FAM50B: variants seen among roughly 807,000 people sequenced by gnomAD.
FAM50B encodes family with sequence similarity 50 member B.
A neutral mutation model predicts 25.4 loss-of-function variants in FAM50B; 9 were observed. That is an observed-to-expected ratio of 0.35 (90% CI 0.21 to 0.62). FAM50B has a LOEUF of 0.62. Among genes scored for constraint, FAM50B ranks in the 20% least tolerant of loss-of-function variants. The pLI is 0.73. For missense variants in FAM50B, 372 were observed against 477.9 expected, an observed-to-expected ratio of 0.78 and a Z score of 2.07; for synonymous variants, 212 against 204.3, an observed-to-expected ratio of 1.04 and a Z score of -0.32.
chr6:3,835,675 G>A, the FAM50B span, among the ~76,000 whole-genome samples: 1 of 152,182 alleles, frequency 6.6e-6, no homozygotes. Flanking sequence ...AGTTCTCTTG[G>A]TTGAATCCTA....
chr6:3,841,503 TAG>T, the FAM50B span, among the ~76,000 whole-genome samples: 1 of 152,118 alleles, frequency 6.6e-6, no homozygotes, highest in Non-Finnish European at 1.5e-5. Flanking sequence ...CAAATGTACA[TAG>T]AGTCAAACAG....
upstream of FAM50B, among the ~76,000 whole-genome samples, chr6:3,845,763 G>T (rs1039515866): frequency 6.6e-6 from 1 of 152,172 alleles, no homozygotes; most frequent in Non-Finnish European, 1.5e-5. Flanking sequence ...TCACCAGGCT[G>T]GAGTGCAGTG....
chr6:3,849,198 C>T (rs1005822660), upstream of FAM50B, among the ~76,000 whole-genome samples: 1 of 152,216 alleles, frequency 6.6e-6, no homozygotes, highest in African/African-American at 2.4e-5. Flanking sequence ...GGATCCTCCC[C>T]GCGCTGGCCC....
At chr6:3,843,960 G>A in the FAM50B span, among the ~76,000 whole-genome samples, 71,371 of 151,906 alleles carry the variant, frequency 0.47, 17,106 homozygotes, top group Non-Finnish European at 0.49. Flanking sequence ...CCCAGGCCAG[G>A]CCCACCATCA....
chr6:3,840,216 A>G, the FAM50B span, among the ~76,000 whole-genome samples: 1 of 151,950 alleles, frequency 6.6e-6, no homozygotes, highest in Non-Finnish European at 1.5e-5. Flanking sequence ...GATGGTCTCG[A>G]TCTCCTGACC....
the FAM50B span, among the ~76,000 whole-genome samples, chr6:3,834,703 CAAAT>C: frequency 6.6e-6 from 1 of 151,818 alleles, no homozygotes; most frequent in African/African-American, 2.4e-5. Context: ...AAAATAAAAA[CAAAT>C]GTTTAACAAT....
At chr6:3,837,470 A>T in the FAM50B span, among the ~76,000 whole-genome samples, 1 of 152,234 alleles carries the variant, frequency 6.6e-6, no homozygotes, top group African/African-American at 2.4e-5. Flanking sequence ...ACATGAAAAA[A>T]TGCTCAACAT....
rs370681792 is a variant in FAM50B, at chr6:3,850,062, G to T, written c.251G>T (p.Arg84Leu). The change falls in exon 2 of 2, where the codon CGC (arginine) becomes CTC (leucine). Residue 84 changes from arginine (R) to leucine (L), a missense_variant. Physicochemically the swap from Arg to Leu is moderately radical, Grantham distance 102 (BLOSUM62 -2). This residue lies in a region of FAM50B where 224 missense variants were observed against 232.2 expected (regional missense o/e 0.96). Transcript: ENST00000648326. ...CGGCAGGAGGCCCTGGTCAGGGAGC[G>T]CGAGCGGCAGCTGGCCAAGCGCCAG... ...KARQEALVRE[R>L]ERQLAKRQHL... The T allele has an allele frequency of 6.2e-7, 1 of 1,610,974 alleles. No homozygotes were observed. The highest frequency in any genetic ancestry group is 1.3e-5 in the African/African-American group (1 of 74,880).
At position 3,849,786 on chromosome 6, in the gene FAM50B, C is replaced by T. The variant is rs1762176508; in HGVS notation, c.-23-3C>T. The T allele has an allele frequency of 1.9e-6, 3 of 1,579,654 alleles. No individual in the cohort carries two copies. The highest frequency in any genetic ancestry group is 2.6e-6 in the Non-Finnish European group (3 of 1,161,312). On this transcript the variant is annotated splice_region_variant and splice_polypyrimidine_tract_variant and intron_variant, in intron 1 of 1. Transcript: ENST00000648326. ...CCTGCCGCGTTTTTCCTCTTTGCTG[C>T]AGAGCCCATCGGGTAGGCGCGGGCC... is the stretch of plus-strand genomic sequence containing the variant.
the FAM50B span, among the ~76,000 whole-genome samples, chr6:3,843,687 T>C: frequency 6.6e-6 from 1 of 152,244 alleles, no homozygotes; most frequent in Non-Finnish European, 1.5e-5. Context: ...CCTACCTGAT[T>C]GCATGCCAAA....
chr6:3,837,294 A>G, the FAM50B span, among the ~76,000 whole-genome samples: 8 of 152,218 alleles, frequency 5.3e-5, no homozygotes, highest in Non-Finnish European at 1.0e-4. Context: ...GAGAAGTTAG[A>G]TTGGTAGAAA....
chr6:3,835,981 A>C, the FAM50B span, among the ~76,000 whole-genome samples: 1 of 152,200 alleles, frequency 6.6e-6, no homozygotes, highest in Non-Finnish European at 1.5e-5. Flanking sequence ...GAAAGTGAAA[A>C]TGTAGCACTG....
the FAM50B span, among the ~76,000 whole-genome samples, chr6:3,838,742 G>C: frequency 1.3e-5 from 2 of 150,648 alleles, no homozygotes; most frequent in Non-Finnish European, 2.9e-5. Context: ...TTGGGAGGTT[G>C]AGGCACAAGA....
At chr6:3,841,075 A>G in the FAM50B span, among the ~76,000 whole-genome samples, 1 of 152,238 alleles carries the variant, frequency 6.6e-6, no homozygotes, top group African/African-American at 2.4e-5. Flanking sequence ...CTAACAAAAA[A>G]TACAAGTCTG....
At chr6:3,837,654 T>G in the FAM50B span, among the ~76,000 whole-genome samples, 1 of 152,328 alleles carries the variant, frequency 6.6e-6, no homozygotes, top group Non-Finnish European at 1.5e-5. Flanking sequence ...AGAAATTTAT[T>G]TCTTACAGTT....
intron 1 of FAM50B, 121 bp from the exon 2 acceptor site, chr6:3,849,668 C>T (rs976251466): frequency 2.1e-5 from 29 of 1,387,692 alleles, no homozygotes; most frequent in Admixed American, 1.2e-4. Context: ...CCTAGCAGGT[C>T]GGCCCAGCCC....
chr6:3,844,448 C>T (rs571645073), upstream of FAM50B, among the ~76,000 whole-genome samples: 1 of 152,152 alleles, frequency 6.6e-6, no homozygotes, highest in African/African-American at 2.4e-5. Context: ...AGGTGGCTCA[C>T]GCCTGTAATC....
At chr6:3,833,359 C>T in the FAM50B span, among the ~76,000 whole-genome samples, 8 of 152,240 alleles carry the variant, frequency 5.3e-5, no homozygotes, top group Middle Eastern at 3.4e-3. Context: ...TGTTCAGTAT[C>T]CTCGTCTGTA....
upstream of FAM50B, among the ~76,000 whole-genome samples, chr6:3,847,718 G>A (rs185325322): frequency 1.3e-5 from 2 of 152,344 alleles, no homozygotes; most frequent in African/African-American, 4.8e-5. Context: ...TGGCAAAAGA[G>A]GCCTAGCTTT....
Sources: gnomAD v4.1 joint callset for allele counts (sites outside exome capture counted in the v4.1 genomes callset) on GRCh38, gnomAD v4.1.1 for gene constraint, gnomAD v4.1.1 regional missense constraint, MANE v1.5 for transcripts, NCBI Gene and HGNC (gene_info 2026-07-23, HGNC 2026-07-21) for gene names.